TMEM178B: variants seen among roughly 807,000 people sequenced by gnomAD.
TMEM178B encodes transmembrane protein 178B.
TMEM178B carries 5 observed loss-of-function variants against 31.0 expected under a neutral mutation model. That is an observed-to-expected ratio of 0.16 (90% confidence interval 0.08 to 0.34). The LOEUF is 0.34. Among genes scored for constraint, TMEM178B ranks in the 10% least tolerant of loss-of-function variants. The probability of loss-of-function intolerance (pLI) is 1.00; values close to 1 mark genes in which losing one functional copy is unlikely to be tolerated. For missense variants in TMEM178B, 275 were observed against 400.3 expected (o/e 0.69, Z 2.67); for synonymous variants, 164 against 164.0 (o/e 1.00, Z 0.00).
At chr7:141,103,600 G>C (rs1795094227) in intron 1 of TMEM178B, among the ~76,000 whole-genome samples, 1 of 152,108 alleles carries the variant, frequency 6.6e-6, no homozygotes, top group Non-Finnish European at 1.5e-5. Flanking sequence ...CAGTCCATGG[G>C]AAATGCTGGT....
intron 3 of TMEM178B, among the ~76,000 whole-genome samples, chr7:141,449,706 C>G (rs73512197): frequency 0.065 from 9,863 of 152,206 alleles, 876 homozygotes; most frequent in African/African-American, 0.2. Flanking sequence ...AGATCGAGAG[C>G]TGGGGAGCAA....
At chr7:141,147,552 C>A (rs527291779) in intron 1 of TMEM178B, among the ~76,000 whole-genome samples, 1 of 151,992 alleles carries the variant, frequency 6.6e-6, no homozygotes, top group South Asian at 2.1e-4. Context: ...TCAAGGCAAG[C>A]GATGAAGAGG....
chr7:141,183,744 C>T (rs1384770301), intron 1 of TMEM178B, among the ~76,000 whole-genome samples: 3 of 152,166 alleles, frequency 2.0e-5, no homozygotes, highest in African/African-American at 7.2e-5. Flanking sequence ...TACCTAATGA[C>T]ATGAATGATG....
chr7:141,272,814 G>T, intron 2 of TMEM178B, among the ~76,000 whole-genome samples: 1 of 152,294 alleles, frequency 6.6e-6, no homozygotes, highest in Middle Eastern at 3.4e-3. Context: ...CAGCATGAAG[G>T]TTCCTCAAAA....
chr7:141,414,457 A>G (rs964501179), intron 2 of TMEM178B: 2 of 152,556 alleles, frequency 1.3e-5, no homozygotes, highest in Non-Finnish European at 2.9e-5. Context: ...CCATATACCA[A>G]TTGTTGGAAT....
At chr7:141,112,024 T>G (rs1365848731) in intron 1 of TMEM178B, among the ~76,000 whole-genome samples, 1 of 152,158 alleles carries the variant, frequency 6.6e-6, no homozygotes, top group Non-Finnish European at 1.5e-5. Flanking sequence ...ATTTACAAAG[T>G]CAATAATTAT....
chr7:141,167,654 G>A (rs1796283805), intron 1 of TMEM178B, among the ~76,000 whole-genome samples: 1 of 152,118 alleles, frequency 6.6e-6, no homozygotes, highest in African/African-American at 2.4e-5. Flanking sequence ...TTAAAATTTT[G>A]TCAAATGCTC....
rs377721525 is a variant in TMEM178B at position 141,423,775 on chromosome 7, GAGTAAGA to G, written c.497-13830_497-13824del. Among the ~76,000 whole-genome samples, 84 of 149,718 alleles carry G rather than the reference GAGTAAGA, an allele frequency of 5.6e-4. 1 individual carries two copies. The highest frequency in any genetic ancestry group is 1.9e-3 in the African/African-American group (79 of 40,842). On this transcript the variant is annotated intron_variant, in intron 2 of 3. Coordinates refer to ENST00000565468, the MANE Select transcript of TMEM178B (RefSeq NM_001195278.2). ...CCTCAGTAGTTAAAGGGGCAGATTT[GAGTAAGA>G]AGATTTCTATAGTGACATTTGTGTT... is the stretch of plus-strand genomic sequence containing the variant.
In TMEM178B at chr7:141,094,486, T is replaced by A. The variant is rs185470568; in HGVS notation, c.382+19794T>A. Among the ~76,000 whole-genome samples the A allele has an allele frequency of 9.2e-5, 14 of 152,358 alleles. No individual in the cohort carries two copies. The East Asian group carries it at 1.7e-3, about 19-fold the overall frequency. On this transcript the variant is annotated intron_variant, in intron 1 of 3. Coordinates refer to ENST00000565468, the MANE Select transcript of TMEM178B (RefSeq NM_001195278.2). Reference sequence around the variant, plus strand: ...GCATTTGCTTTATAAAAAGGATCTCTGGTCAGAGTAGCCTAGCTATTCTAA... The same window carrying A: ...GCATTTGCTTTATAAAAAGGATCTCAGGTCAGAGTAGCCTAGCTATTCTAA...
intron 2 of TMEM178B, chr7:141,429,582 A>G (rs1801385556): frequency 6.6e-6 from 1 of 152,218 alleles, no homozygotes; most frequent in Non-Finnish European, 1.5e-5. Context: ...CAAAGGATAC[A>G]TAATTACAGT....
At chr7:141,216,470 T>TGG (rs1797152855) in intron 2 of TMEM178B, among the ~76,000 whole-genome samples, 1 of 140,028 alleles carries the variant, frequency 7.1e-6, no homozygotes, top group African/African-American at 2.7e-5. Context: ...CGCGTGTGTG[T>TGG]GTGTGGGTGT....
intron 2 of TMEM178B, among the ~76,000 whole-genome samples, chr7:141,331,814 C>T (rs1316899887): frequency 6.6e-6 from 1 of 152,176 alleles, no homozygotes; most frequent in East Asian, 1.9e-4. Flanking sequence ...GGCTTTGGGC[C>T]AGTGATTGCA....
chr7:141,300,044 A>G (rs1259421642), intron 2 of TMEM178B, among the ~76,000 whole-genome samples: 6 of 152,158 alleles, frequency 3.9e-5, no homozygotes, highest in Non-Finnish European at 1.5e-5. Flanking sequence ...TTAGCCTCTC[A>G]AAGTGATGGG....
rs202146160 is a variant in TMEM178B, at chr7:141,138,063, AT to A, written c.382+63387del. ...TTCATGAGATCTCTTTTAAAATTCA[AT>A]TTTTTTTTTTTTTTTGAGACAGAGT... is the stretch of plus-strand genomic sequence containing the variant. On this transcript the variant is annotated intron_variant, in intron 1 of 3. Transcript: ENST00000565468. 6.1e-3 allele frequency among the ~76,000 whole-genome samples: 859 copies of A among 141,298 alleles called. 1 individual carries two copies. Among genetic ancestry groups the A allele is most frequent in the Middle Eastern group, 0.021 (6 of 280 alleles). 92.7% of individuals were successfully genotyped at this position (141,298 alleles called of 152,430 possible).
At chr7:141,315,137 T>C (rs189051077) in intron 2 of TMEM178B, among the ~76,000 whole-genome samples, 1 of 152,318 alleles carries the variant, frequency 6.6e-6, no homozygotes, top group East Asian at 1.9e-4. Flanking sequence ...CCAATCTGTT[T>C]CATGTTCCTT....
At chr7:141,176,167 AG>A (rs1363107791) in intron 1 of TMEM178B, among the ~76,000 whole-genome samples, 7 of 152,302 alleles carry the variant, frequency 4.6e-5, no homozygotes, top group Non-Finnish European at 7.3e-5. Flanking sequence ...TTTAGCATGA[AG>A]GGCTGTTGAA....
intron 2 of TMEM178B, among the ~76,000 whole-genome samples, chr7:141,432,146 C>CTTT (rs71170797): frequency 1.3e-5 from 1 of 79,082 alleles, no homozygotes; most frequent in Non-Finnish European, 2.3e-5. Context: ...TTCACTGCAT[C>CTTT]TTTTTTTTTT....
intron 2 of TMEM178B, among the ~76,000 whole-genome samples, chr7:141,293,190 T>C (rs1798576490): frequency 1.3e-5 from 2 of 152,154 alleles, no homozygotes; most frequent in South Asian, 2.1e-4. Context: ...GCCTCAAAGA[T>C]ACAAGACCTG....
intron 2 of TMEM178B, among the ~76,000 whole-genome samples, chr7:141,239,062 T>TG (rs1797574670): frequency 6.6e-6 from 1 of 152,084 alleles, no homozygotes; most frequent in Non-Finnish European, 1.5e-5. Context: ...CTAGGTTTTT[T>TG]TTGTTGTTGT....
Sources: allele counts gnomAD v4.1 joint callset (sites outside exome capture counted in the v4.1 genomes callset), GRCh38; gene constraint gnomAD v4.1.1; transcripts MANE v1.5; gene names NCBI Gene and HGNC (gene_info 2026-07-23, HGNC 2026-07-21).